The following SORCS2 variants were observed in gnomAD, a reference collection of about 807,000 sequenced individuals.
SORCS2 encodes VPS10 domain-containing receptor SorCS2.
In SORCS2, 100 loss-of-function variants were observed where a neutral mutation model predicts 141.6. That is an observed-to-expected ratio of 0.71 (90% CI 0.60 to 0.83). The LOEUF is 0.83. SORCS2 is among the 40% of genes least tolerant of loss of function. The pLI is 0.00. For synonymous variants in SORCS2, 789 were observed against 676.9 expected (o/e 1.17, Z -2.57); for missense variants, 1,646 against 1,560.2 (o/e 1.05, Z -0.93).
chr4:7,598,693 C>T (rs1717447666), intron 3 of SORCS2, among the ~76,000 whole-genome samples: 1 of 152,222 alleles, frequency 6.6e-6, no homozygotes, highest in Admixed American at 6.5e-5. Flanking sequence ...CTTACCTAAG[C>T]TTTCCCCATG....
At chr4:7,290,134 T>C (rs1183778434) in intron 1 of SORCS2, among the ~76,000 whole-genome samples, 1 of 152,152 alleles carries the variant, frequency 6.6e-6, no homozygotes, top group Admixed American at 6.5e-5. Flanking sequence ...AGGAAGCTGA[T>C]GGCTGGCCCC....
chr4:7,640,549 T>A (rs1052800825), intron 4 of SORCS2, among the ~76,000 whole-genome samples: 1 of 151,420 alleles, frequency 6.6e-6, no homozygotes, highest in Non-Finnish European at 1.5e-5. Context: ...TGTGTAGATC[T>A]CCCTCTGCGC....
chr4:7,528,997 C>G (rs1350160702), intron 2 of SORCS2, among the ~76,000 whole-genome samples: 1 of 152,208 alleles, frequency 6.6e-6, no homozygotes, highest in African/African-American at 2.4e-5. Context: ...GTCCCAATTT[C>G]CAAATTCTTA....
chr4:7,674,090 G>T (rs1418069484), intron 8 of SORCS2, among the ~76,000 whole-genome samples: 2 of 152,062 alleles, frequency 1.3e-5, no homozygotes, highest in African/African-American at 4.8e-5. Flanking sequence ...GCCTCCGTGG[G>T]CTCTGCATCA....
intron 2 of SORCS2, among the ~76,000 whole-genome samples, chr4:7,397,837 A>G (rs9997594): frequency 6.6e-6 from 1 of 152,108 alleles, no homozygotes; most frequent in Admixed American, 6.5e-5. Context: ...TTCCTCGGTG[A>G]CAAAGCGGAC....
intron 10 of SORCS2, 91 bp downstream of exon 10, chr4:7,682,980 G>C: frequency 1.4e-6 from 2 of 1,461,106 alleles, no homozygotes; most frequent in Non-Finnish European, 1.8e-6. Context: ...GGTGATGTCT[G>C]AGAAGGACCA....
chr4:7,532,952 G>A (rs1711783487), intron 3 of SORCS2, among the ~76,000 whole-genome samples: 1 of 152,146 alleles, frequency 6.6e-6, no homozygotes, highest in Non-Finnish European at 1.5e-5. Context: ...AGAGGCGCCT[G>A]CTGGAAGGCC....
At chr4:7,327,806 C>A (rs1719371911) in intron 1 of SORCS2, among the ~76,000 whole-genome samples, 1 of 152,090 alleles carries the variant, frequency 6.6e-6, no homozygotes, top group Non-Finnish European at 1.5e-5. Flanking sequence ...TGTGACCGCC[C>A]CCCCCAACCC....
rs754361096 is a variant in SORCS2, at chr4:7,726,903, G to C, written c.2869G>C (p.Asp957His). The C allele has an allele frequency of 3.7e-6, 6 of 1,612,060 alleles. No homozygotes were observed. Among genetic ancestry groups the C allele is most frequent in the Non-Finnish European group, 5.1e-6 (6 of 1,178,548 alleles). Residue 957 changes from aspartate (D) to histidine (H), a missense_variant and splice_region_variant, in exon 21 of 27, where the codon GAT (aspartate) becomes CAT (histidine). By Grantham distance (81) the Asp-to-His change is moderately conservative. Coordinates refer to ENST00000507866, the MANE Select transcript of SORCS2 (RefSeq NM_020777.3). ...GGACTCCAGGGTCCTCCGTGTGCTG[G>C]GTAAGTACTTCCTGGGGTCTGGCAG... The part of the protein sequence containing the change: ...LQDSRVLRVL[D>H]QFQVMPLQFS...
intron 9 of SORCS2, among the ~76,000 whole-genome samples, chr4:7,681,289 G>A (rs1396748746): frequency 1.3e-5 from 2 of 152,232 alleles, no homozygotes; most frequent in Admixed American, 1.3e-4. Context: ...CTCATCAGCA[G>A]ACAGGAAGAT....
At position 7,464,053 on chromosome 4, in the gene SORCS2, G is replaced by A. The variant is rs114129732; in HGVS notation, c.549-67477G>A. Among the ~76,000 whole-genome samples, 304 of 152,320 alleles carry A rather than the reference G, an allele frequency of 2.0e-3. 1 individual carries two copies. The highest frequency in any genetic ancestry group is 6.4e-3 in the African/African-American group (265 of 41,554). On this transcript the variant is annotated intron_variant, in intron 2 of 26. Coordinates refer to ENST00000507866, the MANE Select transcript of SORCS2 (RefSeq NM_020777.3). ...TCATTAACTCATTCAGTCAGGAAGC[G>A]TGTGTTGAGCTTCTACACTGGGCTG... is the stretch of plus-strand genomic sequence containing the variant.
chr4:7,520,401 G>C (rs1033925162), intron 2 of SORCS2, among the ~76,000 whole-genome samples: 3 of 152,200 alleles, frequency 2.0e-5, no homozygotes, highest in African/African-American at 7.2e-5. Flanking sequence ...TCAGGTCCGA[G>C]GTCATGCCCC....
chr4:7,317,513 G>A (rs1322238597), intron 1 of SORCS2, among the ~76,000 whole-genome samples: 2 of 152,184 alleles, frequency 1.3e-5, no homozygotes. Context: ...TTTTGCTCCT[G>A]AGCCCAGGTG....
intron 2 of SORCS2, among the ~76,000 whole-genome samples, chr4:7,478,260 G>A (rs571143143): frequency 5.9e-5 from 9 of 152,182 alleles, no homozygotes; most frequent in African/African-American, 7.2e-5. Flanking sequence ...CTCAGCCTGC[G>A]AAGGAGGCTC....
chr4:7,220,582 G>A (rs1728643447), intron 1 of SORCS2, among the ~76,000 whole-genome samples: 1 of 152,204 alleles, frequency 6.6e-6, no homozygotes. Context: ...AGATGGGTGA[G>A]GTTGATTCAG....
chr4:7,525,844 C>G (rs1007309053), intron 2 of SORCS2, among the ~76,000 whole-genome samples: 1 of 149,350 alleles, frequency 6.7e-6, no homozygotes, highest in African/African-American at 2.5e-5. Flanking sequence ...CACCTGGGCC[C>G]TCCTGCAGTC....
rs372983222 is a variant in SORCS2 at position 7,573,675 on chromosome 4, A to C, written c.648+42046A>C. 2.6e-5 allele frequency among the ~76,000 whole-genome samples: 4 copies of C among 152,000 alleles called. No individual in the cohort carries two copies. The South Asian group carries it at 6.2e-4, about 24-fold the overall frequency. On this transcript the variant is annotated intron_variant, in intron 3 of 26. Transcript: ENST00000507866. ...TGGGATTACAGGCATGCACCACCGC[A>C]CTCTGCTTTAAGGAATTAGGACAAA... is the stretch of plus-strand genomic sequence containing the variant.
At chr4:7,426,192 G>C (rs139500428) in intron 2 of SORCS2, among the ~76,000 whole-genome samples, 1 of 152,238 alleles carries the variant, frequency 6.6e-6, no homozygotes, top group Admixed American at 6.5e-5. Flanking sequence ...TGCGGGCCAG[G>C]GCCTGTGTTT....
intron 1 of SORCS2, among the ~76,000 whole-genome samples, chr4:7,388,849 C>G (rs1369728880): frequency 6.6e-6 from 1 of 152,174 alleles, no homozygotes; most frequent in African/African-American, 2.4e-5. Flanking sequence ...GGCGATCCCC[C>G]CAGGCCCTGC....
Sources: gnomAD v4.1 joint callset for allele counts (sites outside exome capture counted in the v4.1 genomes callset) on GRCh38, gnomAD v4.1.1 for gene constraint, MANE v1.5 for transcripts, NCBI Gene and HGNC (gene_info 2026-07-23, HGNC 2026-07-21) for gene names.